Variants in LARGE1 observed in about 807,000 individuals in gnomAD.
LARGE1 encodes the protein xylosyl- and glucuronyltransferase LARGE1.
In LARGE1, 43 loss-of-function variants were observed where a neutral mutation model predicts 87.6. The observed-to-expected ratio is 0.49, with a 90% confidence interval of 0.38 to 0.63. The LOEUF is 0.63. Ranked by LOEUF, LARGE1 falls within the 30% of genes least tolerant of loss-of-function variation. LARGE1 has a pLI of 0.00. For synonymous variants in LARGE1, 434 were observed against 394.6 expected, an observed-to-expected ratio of 1.10 and a Z score of -1.18; for missense variants, 802 against 1,000.2, an observed-to-expected ratio of 0.80 and a Z score of 2.67.
chr22:33,657,548 G>A lies in LARGE1; in HGVS notation c.107-6880C>T, dbSNP rs555843428. On this transcript the variant is annotated intron_variant, in intron 2 of 14. Coordinates refer to ENST00000397394, the MANE Select transcript of LARGE1 (RefSeq NM_133642.5). ...CGGCCATAGAAATACATAACAAATG[G>A]CTGTGGCTGTGTTCCAGTCAAATTT... Among the ~76,000 whole-genome samples the A allele has an allele frequency of 9.9e-5, 15 of 152,112 alleles. No individual in the cohort carries two copies. In the South Asian group the frequency reaches 2.7e-3, roughly 27 times the overall value.
intron 14 of LARGE1, among the ~76,000 whole-genome samples, chr22:33,274,971 C>T (rs1483649596): frequency 6.6e-6 from 1 of 152,204 alleles, no homozygotes. Flanking sequence ...TGTGAGCTCA[C>T]ACCCACATGG....
At chr22:33,124,177 C>A in the LARGE1 span, among the ~76,000 whole-genome samples, 16,139 of 151,878 alleles carry the variant, frequency 0.11, 901 homozygotes, top group South Asian at 0.21. Context: ...ATATCAGCTA[C>A]TCGAGCGGCT....
chr22:33,676,519 T>C (rs1023710757), intron 2 of LARGE1, among the ~76,000 whole-genome samples: 2 of 137,384 alleles, frequency 1.5e-5, no homozygotes, highest in African/African-American at 5.5e-5. Context: ...AAGAAAACTA[T>C]ACAATAAAAT....
chr22:33,798,983 A>G (rs2086073416), intron 1 of LARGE1, among the ~76,000 whole-genome samples: 1 of 152,202 alleles, frequency 6.6e-6, no homozygotes, highest in East Asian at 1.9e-4. Context: ...AAAAACAACA[A>G]CACTGTGGAC....
the LARGE1 span, among the ~76,000 whole-genome samples, chr22:33,112,844 C>T: frequency 6.6e-6 from 1 of 152,140 alleles, no homozygotes; most frequent in African/African-American, 2.4e-5. Flanking sequence ...TACAAAAAGC[C>T]CACAGGAGAA....
At chr22:33,755,052 A>G (rs2084459339) in intron 2 of LARGE1, among the ~76,000 whole-genome samples, 1 of 152,228 alleles carries the variant, frequency 6.6e-6, no homozygotes. Flanking sequence ...AAGGCAAAGA[A>G]AAAGCTTTAA....
chr22:33,863,666 G>A (rs1347070371), intron 1 of LARGE1, among the ~76,000 whole-genome samples: 1 of 152,020 alleles, frequency 6.6e-6, no homozygotes, highest in Non-Finnish European at 1.5e-5. Flanking sequence ...TACTCAGGAG[G>A]CTGAAGCAGG....
intron 6 of LARGE1, among the ~76,000 whole-genome samples, chr22:33,433,170 C>T (rs1298431038): frequency 3.3e-5 from 5 of 152,158 alleles, no homozygotes; most frequent in African/African-American, 1.2e-4. Flanking sequence ...ACTTGGACAG[C>T]TAAAGATGGA....
In LARGE1 at chr22:33,205,842, C is replaced by T. The variant is rs918023944; in HGVS notation, c.1731-39010G>A. On this transcript the variant is annotated intron_variant, in intron 11 of 11. Transcript: ENST00000608642. ...ATGCCCAGGCTGGAGTGCAATGGCC[C>T]GATCTCTGCTCACTGCAGCCTCCAC... 5.9e-5 allele frequency among the ~76,000 whole-genome samples: 9 copies of T among 152,110 alleles called. No individual in the cohort carries two copies. The South Asian group carries it at 1.0e-3, about 18-fold the overall frequency.
At chr22:33,781,786 A>G (rs2085428330) in intron 1 of LARGE1, among the ~76,000 whole-genome samples, 1 of 152,196 alleles carries the variant, frequency 6.6e-6, no homozygotes, top group Non-Finnish European at 1.5e-5. Flanking sequence ...TGCTTTATGC[A>G]CACACACAAA....
At chr22:33,394,955 G>T (rs955664143) in intron 7 of LARGE1, among the ~76,000 whole-genome samples, 1 of 151,986 alleles carries the variant, frequency 6.6e-6, no homozygotes, top group Non-Finnish European at 1.5e-5. Flanking sequence ...GGCTGGGCAT[G>T]GTGGCTCACA....
At chr22:33,671,769 G>A (rs1224172130) in intron 2 of LARGE1, among the ~76,000 whole-genome samples, 2 of 152,174 alleles carry the variant, frequency 1.3e-5, no homozygotes, top group Admixed American at 1.3e-4. Flanking sequence ...GGAACACTAA[G>A]CATGTGGGAG....
chr22:33,248,416 T>A (rs1926866908), intron 11 of LARGE1, among the ~76,000 whole-genome samples: 1 of 152,100 alleles, frequency 6.6e-6, no homozygotes. Context: ...GGTCTTGAAC[T>A]CCTGACTTCC....
chr22:33,544,694 C>CAACAACAACAACAACAACA lies in LARGE1; in HGVS notation c.787+20153_787+20154insTGTTGTTGTTGTTGTTGTT, dbSNP rs1555952160. Reference sequence around the variant, plus strand: ...CAAGACCCTGTCTCAAAACAACAACCACAACAACAACAACAACAACGAGTA... The same window carrying CAACAACAACAACAACAACA: ...CAAGACCCTGTCTCAAAACAACAACCAACAACAACAACAACAACAACAACAACAACAACAACAACGAGTA... On this transcript the variant is annotated intron_variant, in intron 6 of 14. Transcript: ENST00000397394. Among the ~76,000 whole-genome samples, 665 of 136,636 alleles carry CAACAACAACAACAACAACA rather than the reference C, an allele frequency of 4.9e-3. 2 individuals carry two copies. The highest frequency in any genetic ancestry group is 6.8e-3 in the African/African-American group (202 of 29,924). 89.6% of individuals were successfully genotyped at this position (136,636 alleles called of 152,430 possible).
chr22:33,578,109 C>T (rs1457340035), intron 5 of LARGE1, among the ~76,000 whole-genome samples: 2 of 152,122 alleles, frequency 1.3e-5, no homozygotes, highest in African/African-American at 2.4e-5. Context: ...TGACATTCAC[C>T]TCCCCCCGCC....
At chr22:33,764,336 C>G (rs1412940981) in intron 1 of LARGE1, among the ~76,000 whole-genome samples, 1 of 152,124 alleles carries the variant, frequency 6.6e-6, no homozygotes, top group Non-Finnish European at 1.5e-5. Flanking sequence ...GGTTCAGGAC[C>G]CCCCACAGAT....
chr22:33,391,890 C>T (rs2065541490), intron 7 of LARGE1, among the ~76,000 whole-genome samples: 1 of 151,430 alleles, frequency 6.6e-6, no homozygotes, highest in Admixed American at 6.6e-5. Context: ...CTGCCTCAGC[C>T]TCCCGAGTAG....
intron 11 of LARGE1, among the ~76,000 whole-genome samples, chr22:33,234,910 A>AC (rs555437031): frequency 0.33 from 50,264 of 151,244 alleles, 10,024 homozygotes; most frequent in African/African-American, 0.58. Context: ...TGTGTTGGGG[A>AC]ATGCTACACA....
At chr22:33,442,942 G>C (rs1417862969) in intron 6 of LARGE1, among the ~76,000 whole-genome samples, 1 of 151,924 alleles carries the variant, frequency 6.6e-6, no homozygotes, top group African/African-American at 2.4e-5. Flanking sequence ...ACAGGCGCCC[G>C]CACCACATCC....
Sources: gnomAD v4.1 joint callset for allele counts (sites outside exome capture counted in the v4.1 genomes callset) on GRCh38, gnomAD v4.1.1 for gene constraint, MANE v1.5 for transcripts, NCBI Gene and HGNC (gene_info 2026-07-23, HGNC 2026-07-21) for gene names.